The following BABAM2 variants were observed in gnomAD, a reference collection of about 807,000 sequenced individuals.
BABAM2 encodes BRISC and BRCA1 A complex member 2, also known as BRISC and BRCA1-A complex member 2.
In BABAM2, 31 loss-of-function variants were observed where a neutral mutation model predicts 54.7. The observed-to-expected ratio is 0.57, with a 90% CI of 0.43 to 0.77. The LOEUF (loss-of-function observed/expected upper bound fraction) is 0.77, where lower values mean the gene tolerates loss of function less well. Among genes scored for constraint, BABAM2 ranks in the 30% least tolerant of loss-of-function variants. BABAM2 has a pLI of 0.00. For missense variants in BABAM2, 364 were observed against 455.8 expected (o/e 0.80, Z 1.83); for synonymous variants, 167 against 162.9 (o/e 1.03, Z -0.19).
chr2:28,317,171 A>G (rs957845235), intron 11 of BABAM2, among the ~76,000 whole-genome samples: 1 of 152,198 alleles, frequency 6.6e-6, no homozygotes, highest in African/African-American at 2.4e-5. Flanking sequence ...CAGCCGGCTC[A>G]TGGCCGTCCC....
intron 7 of BABAM2, among the ~76,000 whole-genome samples, chr2:28,136,073 G>A (rs1469345162): frequency 2.6e-5 from 4 of 152,162 alleles, no homozygotes; most frequent in African/African-American, 7.2e-5. Flanking sequence ...TGGACTCTAC[G>A]TGTATCCTGT....
chr2:28,007,745 C>T (rs1674078082), intron 4 of BABAM2, among the ~76,000 whole-genome samples: 1 of 151,976 alleles, frequency 6.6e-6, no homozygotes, highest in South Asian at 2.1e-4. Context: ...GTGTGATAGC[C>T]TTTGGAAAGA....
At chr2:28,215,378 T>C (rs1573860255) in intron 7 of BABAM2, among the ~76,000 whole-genome samples, 1 of 152,204 alleles carries the variant, frequency 6.6e-6, no homozygotes, top group Admixed American at 6.5e-5. Context: ...AGATAATGTA[T>C]GTAAGAGGCT....
rs1182271535 is a variant in BABAM2, at chr2:28,322,534, C to A, written c.1089-15916C>A. Among the ~76,000 whole-genome samples, 2 of 152,252 alleles carry A rather than the reference C, an allele frequency of 1.3e-5. No homozygotes were observed. Among genetic ancestry groups the A allele is most frequent in the African/African-American group, 4.8e-5 (2 of 41,468 alleles). On this transcript the variant is annotated intron_variant, in intron 11 of 11. Coordinates refer to ENST00000379624, the MANE Select transcript of BABAM2 (RefSeq NM_199191.3). The surrounding 1 kb of genome is among the most constrained non-coding windows in gnomAD (Gnocchi z 4.1). ...TCACCCCCCAGAAGTGCTGCTGGGC[C>A]AAGCCCTGCCTTGAACAAGATCCTG...
chr2:28,225,403 C>T (rs935676950), intron 7 of BABAM2, among the ~76,000 whole-genome samples: 1 of 152,154 alleles, frequency 6.6e-6, no homozygotes, highest in African/African-American at 2.4e-5. Context: ...GCATCAGAAT[C>T]GAAAGGAGGA....
In BABAM2 at chr2:28,014,006, G is replaced by C. The variant is rs544664974; in HGVS notation, c.301-11220G>C. ...TATTTGTTGACTAATTTGATAATTT[G>C]TGGCTAAAGTCTTAAAAACAAAAAC... is the stretch of plus-strand genomic sequence containing the variant. On this transcript the variant is annotated intron_variant, in intron 4 of 11. Transcript: ENST00000379624. Among the ~76,000 whole-genome samples the C allele has an allele frequency of 5.6e-4, 85 of 152,190 alleles. 2 individuals are homozygous for C. The highest frequency in any genetic ancestry group is 2.0e-3 in the African/African-American group (82 of 41,528).
At chr2:28,312,223 G>T (rs997573443) in intron 11 of BABAM2, among the ~76,000 whole-genome samples, 21 of 152,152 alleles carry the variant, frequency 1.4e-4, no homozygotes, top group African/African-American at 4.8e-4. Flanking sequence ...GACAAGCAGA[G>T]GCCTTGCTTC....
chr2:28,141,626 A>G (rs987122770), intron 7 of BABAM2, among the ~76,000 whole-genome samples: 15 of 152,180 alleles, frequency 9.9e-5, no homozygotes, highest in African/African-American at 3.6e-4. Context: ...GCAAGGCTCT[A>G]GGGTATTAAA....
intron 5 of BABAM2, among the ~76,000 whole-genome samples, chr2:28,028,395 A>AC (rs1676033901): frequency 6.7e-6 from 1 of 149,882 alleles, no homozygotes; most frequent in African/African-American, 2.5e-5. Context: ...ACACACCTAC[A>AC]CCCCCCGCCC....
At chr2:27,938,931 G>T (rs1252462584) in intron 3 of BABAM2, among the ~76,000 whole-genome samples, 3 of 151,942 alleles carry the variant, frequency 2.0e-5, no homozygotes, top group Non-Finnish European at 2.9e-5. Flanking sequence ...TTGAAAACTT[G>T]TGGTGTATGG....
At chr2:28,214,890 G>A (rs1010443174) in intron 7 of BABAM2, among the ~76,000 whole-genome samples, 10 of 151,782 alleles carry the variant, frequency 6.6e-5, no homozygotes, top group African/African-American at 1.2e-4. Flanking sequence ...CCCTCCCCAA[G>A]CACTCCTTGC....
At chr2:28,232,467 C>A (rs1681499891) in intron 7 of BABAM2, among the ~76,000 whole-genome samples, 1 of 152,176 alleles carries the variant, frequency 6.6e-6, no homozygotes, top group African/African-American at 2.4e-5. Flanking sequence ...ATGGCCAGGA[C>A]ACGTTCTGAG....
chr2:27,987,871 G>C, intron 3 of BABAM2, 122 bp from the exon 4 acceptor site: 5 of 781,558 alleles, frequency 6.4e-6, no homozygotes, highest in Non-Finnish European at 8.2e-6. Context: ...TCTGGAAAGT[G>C]CTTTTCAAAT....
intron 7 of BABAM2, among the ~76,000 whole-genome samples, chr2:28,201,342 A>G (rs990596591): frequency 6.6e-6 from 1 of 152,208 alleles, no homozygotes; most frequent in Non-Finnish European, 1.5e-5. Context: ...CAAAAATACC[A>G]TATGGCTAAT....
chr2:28,307,011 T>G (rs1688602936), intron 11 of BABAM2, among the ~76,000 whole-genome samples: 1 of 118,076 alleles, frequency 8.5e-6, no homozygotes, highest in East Asian at 2.5e-4. Flanking sequence ...TTTTTTTTTT[T>G]TTTTTTTTTT....
chr2:28,038,085 G>A (rs1676795762), intron 5 of BABAM2, among the ~76,000 whole-genome samples: 1 of 152,118 alleles, frequency 6.6e-6, no homozygotes, highest in Non-Finnish European at 1.5e-5. Context: ...ATAAATGCAA[G>A]GAAAAACTAA....
chr2:28,103,391 G>C (rs9309659), intron 6 of BABAM2, among the ~76,000 whole-genome samples: 105,322 of 152,000 alleles, frequency 0.69, 37,026 homozygotes, highest in Middle Eastern at 0.79. Flanking sequence ...CATATCACTA[G>C]AGCCACAATC....
chr2:28,020,910 G>C (rs1031923904), intron 4 of BABAM2, among the ~76,000 whole-genome samples: 4 of 150,856 alleles, frequency 2.7e-5, no homozygotes, highest in African/African-American at 9.8e-5. Flanking sequence ...AAGATTTCTA[G>C]AGGCATTGAG....
At chr2:28,153,558 A>C (rs1422350244) in intron 7 of BABAM2, among the ~76,000 whole-genome samples, 1 of 152,118 alleles carries the variant, frequency 6.6e-6, no homozygotes, top group East Asian at 1.9e-4. Context: ...GAGACCTCTA[A>C]ATTTTTGTTG....
Sources: gnomAD v4.1 joint callset for allele counts (sites outside exome capture counted in the v4.1 genomes callset) on GRCh38, gnomAD v4.1.1 for gene constraint, Gnocchi (gnomAD v3.1) non-coding constraint, MANE v1.5 for transcripts, NCBI Gene and HGNC (gene_info 2026-07-23, HGNC 2026-07-21) for gene names.